The following RPF2 variants were observed in gnomAD, a reference collection of about 807,000 sequenced individuals.
RPF2 encodes brix domain containing 1.
A neutral mutation model predicts 38.9 loss-of-function variants in RPF2; 21 were observed. The observed-to-expected ratio is 0.54, with a 90% confidence interval of 0.38 to 0.78. The LOEUF (loss-of-function observed/expected upper bound fraction) is 0.78. Ranked by LOEUF, RPF2 falls within the 30% of genes least tolerant of loss-of-function variation. The probability of loss-of-function intolerance (pLI) is 0.00; values close to 1 mark genes in which losing one functional copy is unlikely to be tolerated. For missense variants in RPF2, 314 were observed against 358.1 expected, an observed-to-expected ratio of 0.88 and a Z score of 0.99; for synonymous variants, 121 against 126.2, an observed-to-expected ratio of 0.96 and a Z score of 0.28.
In RPF2 at chr6:111,025,444, A is replaced by G. The variant is rs1211902194; in HGVS notation, c.783A>G (p.Thr261=). The G allele has an allele frequency of 1.7e-5, 28 of 1,610,762 alleles. No individual in the cohort carries two copies. The highest frequency in any genetic ancestry group is 2.3e-5 in the Non-Finnish European group (27 of 1,178,564). Residue 261 remains threonine (T), a synonymous_variant, in exon 10 of 10, where the codon ACA becomes ACG. Transcript: ENST00000441448. Reference sequence around the variant, plus strand: ...ATATTTCCCATGATACTTTTGGTACAACTTATGGAAGGATTCATATGCAGA... The same window carrying G: ...ATATTTCCCATGATACTTTTGGTACGACTTATGGAAGGATTCATATGCAGA... The part of the protein sequence containing the change: ...KKNISHDTFG[T]TYGRIHMQKQ...
At position 111,008,010 on chromosome 6, in the gene RPF2, T is replaced by C. The variant is rs532837615; in HGVS notation, c.394-28T>C. On this transcript the variant is annotated intron_variant, in intron 6 of 9. Coordinates refer to ENST00000441448, the MANE Select transcript of RPF2 (RefSeq NM_032194.3). ...TAAACAGTTTAGACTTTGGTAATTA[T>C]ATAATTGCTTTTTTTTTTTTTTTTT... 5.9e-6 allele frequency: 9 copies of C among 1,530,118 alleles called. No homozygotes were observed. The Admixed American group carries it at 1.1e-4, about 19-fold the overall frequency. 94.8% of individuals were successfully genotyped at this position (1,530,118 alleles called of 1,614,324 possible).
chr6:111,018,459 G>A (rs1772171470), intron 8 of RPF2, among the ~76,000 whole-genome samples: 1 of 152,188 alleles, frequency 6.6e-6, no homozygotes, highest in Non-Finnish European at 1.5e-5. Flanking sequence ...CTTCTGTACA[G>A]TAGTGTTGTT....
At chr6:111,008,298 A>G (rs969484424) in intron 7 of RPF2, among the ~76,000 whole-genome samples, 161 bp downstream of exon 7, 1 of 152,112 alleles carries the variant, frequency 6.6e-6, no homozygotes, top group Non-Finnish European at 1.5e-5. Context: ...ACAAATTTGC[A>G]TGCCATCCTT....
chr6:111,007,256 ATGTTT>A (rs916458740), intron 6 of RPF2, among the ~76,000 whole-genome samples: 10 of 152,044 alleles, frequency 6.6e-5, no homozygotes, highest in Non-Finnish European at 1.0e-4. Context: ...GTGTTGTGTT[ATGTTT>A]TGTTTTGTTT....
chr6:110,991,687 T>C, intron 3 of RPF2, 60 bp from the exon 4 acceptor site: 1 of 557,936 alleles, frequency 1.8e-6, no homozygotes, highest in Non-Finnish European at 3.1e-6. Flanking sequence ...ATTACCTTAA[T>C]ATATTAATTG....
At chr6:111,004,271 C>T (rs1176434494) in intron 6 of RPF2, among the ~76,000 whole-genome samples, 2 of 152,146 alleles carry the variant, frequency 1.3e-5, no homozygotes, top group South Asian at 4.1e-4. Context: ...CAACCTCCGC[C>T]TCCTGGGTTC....
In RPF2 at chr6:111,026,210, G is replaced by A. The variant is rs1278083051; in HGVS notation, c.*628G>A. 6.6e-6 allele frequency: 1 copy of A among 152,246 alleles called. No individual in the cohort carries two copies. The highest frequency in any genetic ancestry group is 1.5e-5 in the Non-Finnish European group (1 of 68,156). 9.4% of individuals were successfully genotyped at this position (152,246 alleles called of 1,614,324 possible). Reference sequence around the variant, plus strand: ...TCTGAGACGAAACCTGTGTTTTTTGGTTGGTTTGTTTTTAAGAGATGGGGT... The same window carrying A: ...TCTGAGACGAAACCTGTGTTTTTTGATTGGTTTGTTTTTAAGAGATGGGGT... On this transcript the variant is annotated 3_prime_UTR_variant, in exon 10 of 10. Transcript: ENST00000441448.
At chr6:111,008,829 C>T (rs941841646) in intron 7 of RPF2, among the ~76,000 whole-genome samples, 26 of 149,666 alleles carry the variant, frequency 1.7e-4, no homozygotes, top group African/African-American at 6.4e-4. Context: ...TATCCAGTTT[C>T]TACTATTCAT....
At position 111,008,071 on chromosome 6, in the gene RPF2, C is replaced by G; in HGVS notation, c.427C>G (p.Leu143Val). The G allele has an allele frequency of 1.3e-6, 2 of 1,587,648 alleles. No individual in the cohort carries two copies. The highest frequency in any genetic ancestry group is 1.7e-6 in the Non-Finnish European group (2 of 1,169,708). ...SKCPEGTKPM[L>V]IFAGDDFDVT... is the part of the protein sequence containing the mutation. ...ATGTCCTGAGGGAACAAAACCCATG[C>G]TGATATTTGCTGGCGATGATTTCGA... is the stretch of plus-strand genomic sequence containing the variant. The change falls in exon 7 of 10, where the codon CTG becomes GTG. Residue 143 changes from leucine to valine, a missense_variant. Transcript: ENST00000441448.
chr6:111,010,961 T>C (rs951614790), intron 7 of RPF2, among the ~76,000 whole-genome samples: 3 of 152,206 alleles, frequency 2.0e-5, no homozygotes, highest in African/African-American at 4.8e-5. Context: ...GAACCACTAT[T>C]ATCTGTTTAA....
chr6:110,984,307 G>A (rs1211563922), intron 1 of RPF2, among the ~76,000 whole-genome samples: 2 of 151,810 alleles, frequency 1.3e-5, no homozygotes, highest in African/African-American at 4.8e-5. Context: ...TTTGTATTAG[G>A]GTACAGGATA....
Position 111,016,032 on chromosome 6 carries a change from C to G in RPF2, c.596+176C>G, listed in dbSNP as rs541008123. On this transcript the variant is annotated intron_variant, in intron 8 of 9. Coordinates refer to ENST00000441448, the MANE Select transcript of RPF2 (RefSeq NM_032194.3). ...GATCCTCAGTCCTTTGCCTCTGAAA[C>G]CCTACTTTTCCAGTGCCCCAGAGCA... Among the ~76,000 whole-genome samples the G allele has an allele frequency of 2.6e-5, 4 of 152,232 alleles. No homozygotes were observed. In the East Asian group the frequency reaches 7.7e-4, roughly 29 times the overall value.
At chr6:111,018,296 A>C (rs1224882618) in intron 8 of RPF2, among the ~76,000 whole-genome samples, 3 of 152,098 alleles carry the variant, frequency 2.0e-5, no homozygotes, top group African/African-American at 7.2e-5. Context: ...AGGCGTTGGT[A>C]CTGGCTGACA....
intron 5 of RPF2, 55 bp from the exon 6 acceptor site, chr6:110,999,656 A>G (rs1583264711): frequency 2.7e-6 from 3 of 1,115,510 alleles, no homozygotes; most frequent in East Asian, 4.7e-5. Flanking sequence ...TTGTGGGTAT[A>G]TGTAAGGTGG....
chr6:111,023,804 G>A (rs749696444), intron 8 of RPF2, among the ~76,000 whole-genome samples: 11 of 151,744 alleles, frequency 7.2e-5, no homozygotes, highest in African/African-American at 1.7e-4. Context: ...TGGCTAACAC[G>A]GTGAAACCCC....
At chr6:111,021,065 G>T (rs891838998) in intron 8 of RPF2, among the ~76,000 whole-genome samples, 2 of 151,904 alleles carry the variant, frequency 1.3e-5, no homozygotes, top group Non-Finnish European at 2.9e-5. Flanking sequence ...GCTATTCAGG[G>T]GGCCAAGGCA....
chr6:111,003,400 C>T (rs758831555), intron 6 of RPF2, among the ~76,000 whole-genome samples: 1 of 152,216 alleles, frequency 6.6e-6, no homozygotes, highest in Non-Finnish European at 1.5e-5. Flanking sequence ...AAGCAATTCT[C>T]CTGCCTCAGC....
Position 111,025,685 on chromosome 6 carries a change from A to T in RPF2, c.*103A>T. 3.8e-6 allele frequency: 3 copies of T among 797,444 alleles called. No homozygotes were observed. The highest frequency in any genetic ancestry group is 5.8e-6 in the Non-Finnish European group (3 of 521,044). 49.4% of individuals were successfully genotyped at this position (797,444 alleles called of 1,614,324 possible). On this transcript the variant is annotated 3_prime_UTR_variant, in exon 10 of 10. Coordinates refer to ENST00000441448, the MANE Select transcript of RPF2 (RefSeq NM_032194.3). ...TTATAAGATCTTATTATATATTTTTATAACATGATAATTTTACGATATATT... is the reference window on the plus strand; with the variant it reads ...TTATAAGATCTTATTATATATTTTTTTAACATGATAATTTTACGATATATT...
rs1772332726 is a variant in RPF2 at position 111,026,637 on chromosome 6, G to A, written c.*1055G>A. 2 of 152,230 alleles carry A rather than the reference G, an allele frequency of 1.3e-5. No homozygotes were observed. The highest frequency in any genetic ancestry group is 2.9e-5 in the Non-Finnish European group (2 of 68,046). The allele number at this position is 152,230 out of a possible 1,614,324, so 9.4% of individuals were successfully genotyped here. A position where few individuals can be genotyped will look rare whatever the true frequency, so the allele number is the denominator to read the frequency against. On this transcript the variant is annotated 3_prime_UTR_variant, in exon 10 of 10. Transcript: ENST00000441448. ...AAGGCCCTGGGCGTTTGCAGATGGTGTAGAAGCCAGCCAAAGCCTAACTAC... is the reference window on the plus strand; with the variant it reads ...AAGGCCCTGGGCGTTTGCAGATGGTATAGAAGCCAGCCAAAGCCTAACTAC...
Sources: gnomAD v4.1 joint callset for allele counts (sites outside exome capture counted in the v4.1 genomes callset) on GRCh38, gnomAD v4.1.1 for gene constraint, MANE v1.5 for transcripts, NCBI Gene and HGNC (gene_info 2026-07-23, HGNC 2026-07-21) for gene names.